Variants in LRRC9 observed in about 807,000 individuals in gnomAD.
LRRC9 encodes leucine-rich repeat-containing protein 9.
Under a neutral mutation model 63.2 loss-of-function variants are expected in LRRC9, and 122 were observed. The observed-to-expected ratio is 1.93, with a 90% CI of 1.67 to 2.24. The LOEUF is 2.24. Ranked by LOEUF, LRRC9 falls within the 30% of genes most tolerant of loss-of-function variation. The probability of loss-of-function intolerance (pLI) is 0.00; values close to 1 mark genes in which losing one functional copy is unlikely to be tolerated. For missense variants in LRRC9, 1,071 were observed against 627.7 expected (o/e 1.71, Z -7.55); for synonymous variants, 366 against 213.1 (o/e 1.72, Z -6.25).
intron 18 of LRRC9, among the ~76,000 whole-genome samples, 184 bp downstream of exon 18, chr14:59,998,031 A>G (rs1055329240): frequency 6.6e-6 from 1 of 152,096 alleles, no homozygotes. Flanking sequence ...ATGTTACTAT[A>G]AGAAAAGACT....
At chr14:60,012,873 C>T (rs1285070319) in intron 23 of LRRC9, among the ~76,000 whole-genome samples, 1 of 152,068 alleles carries the variant, frequency 6.6e-6, no homozygotes, top group Non-Finnish European at 1.5e-5. Flanking sequence ...TTATGAAAAA[C>T]ACAAAAGCAA....
At chr14:60,024,674 T>TA (rs1271326821) in intron 27 of LRRC9, among the ~76,000 whole-genome samples, 5 of 152,156 alleles carry the variant, frequency 3.3e-5, no homozygotes, top group African/African-American at 7.2e-5. Context: ...GATCTTTTTT[T>TA]AAAAAAATAA....
intron 17 of LRRC9, among the ~76,000 whole-genome samples, chr14:59,992,204 T>C (rs983117808): frequency 1.1e-4 from 16 of 152,088 alleles, no homozygotes; most frequent in Non-Finnish European, 2.2e-4. Flanking sequence ...GCAAACAGGG[T>C]CTGGAGTGGA....
chr14:60,001,188 TTG>T (rs146007143), intron 19 of LRRC9, among the ~76,000 whole-genome samples: 52 of 148,556 alleles, frequency 3.5e-4, no homozygotes, highest in Middle Eastern at 3.5e-3. Context: ...TGATGTATAT[TTG>T]TGTGTGTGTG....
Position 59,986,816 on chromosome 14 carries a change from T to C in LRRC9, c.2211+1592T>C, listed in dbSNP as rs1594946618. 6.6e-6 allele frequency among the ~76,000 whole-genome samples: 1 copy of C among 152,272 alleles called. No individual in the cohort carries two copies. The highest frequency in any genetic ancestry group is 2.1e-4 in the South Asian group (1 of 4,814). ...TCACAGTCTACTTGTTAAATGACTA[T>C]AACCTTAGTCATTTTACAGATAAGG... On this transcript the variant is annotated intron_variant, in intron 17 of 31. Transcript: ENST00000445360. This position sits in a 1 kb window ranked among gnomAD's most constrained non-coding sequence, Gnocchi z 4.7.
chr14:59,928,660 C>T (rs866256618), intron 3 of LRRC9, among the ~76,000 whole-genome samples, 174 bp downstream of exon 3: 24 of 151,864 alleles, frequency 1.6e-4, no homozygotes, highest in African/African-American at 5.6e-4. Flanking sequence ...AGAACATAAA[C>T]ATATTCTACT....
rs151099278 is a variant in LRRC9, at chr14:60,051,971, C to A, written c.3991-1094C>A. Among the ~76,000 whole-genome samples, 1 of 152,182 alleles carries A rather than the reference C, an allele frequency of 6.6e-6. No individual in the cohort carries two copies. Among genetic ancestry groups the A allele is most frequent in the Non-Finnish European group, 1.5e-5 (1 of 68,036 alleles). On this transcript the variant is annotated intron_variant, in intron 29 of 31. Coordinates refer to ENST00000445360, the Ensembl canonical transcript of LRRC9. The surrounding 1 kb of genome is among the most constrained non-coding windows in gnomAD (Gnocchi z 4.7). ...ACTCCCATGTGGGCTGTCACCCCAC[C>A]CTGCTTTTCTTTGTTCCCCATGGAT...
chr14:59,921,237 T>C (rs1888748599), intron 1 of LRRC9, among the ~76,000 whole-genome samples: 1 of 152,106 alleles, frequency 6.6e-6, no homozygotes, highest in Non-Finnish European at 1.5e-5. Context: ...GGGTCCTCTG[T>C]GGAGGTTGTG....
At chr14:59,939,164 TC>T (rs377074266) in intron 7 of LRRC9, among the ~76,000 whole-genome samples, 96 of 151,254 alleles carry the variant, frequency 6.3e-4, no homozygotes, top group African/African-American at 2.2e-3. Context: ...CAACCACTTC[TC>T]CTTTGGAATA....
At chr14:60,032,505 CTTG>C (rs1429366104) in intron 29 of LRRC9, among the ~76,000 whole-genome samples, 4 of 152,082 alleles carry the variant, frequency 2.6e-5, no homozygotes, top group African/African-American at 9.7e-5. Flanking sequence ...ACATGAGAAT[CTTG>C]TTGATATTTT....
At chr14:60,059,133 TTTTATTGCATTTCAC>T (rs1229426633) in intron 31 of LRRC9, 1 of 152,326 alleles carries the variant, frequency 6.6e-6, no homozygotes, top group Non-Finnish European at 1.5e-5. Flanking sequence ...GCATACCTTT[TTTTATTGCATTTCAC>T]TTTATTGCAT....
chr14:59,987,968 T>C (rs1436416345), intron 17 of LRRC9, among the ~76,000 whole-genome samples: 1 of 152,194 alleles, frequency 6.6e-6, no homozygotes. Context: ...GCAACTCTTG[T>C]TTTAATAACA....
intron 28 of LRRC9, among the ~76,000 whole-genome samples, chr14:60,030,045 A>C (rs771548140): frequency 2.6e-5 from 4 of 152,140 alleles, no homozygotes; most frequent in Non-Finnish European, 4.4e-5. Context: ...CTGAACTCTC[A>C]CTTCAAATTT....
At chr14:60,039,575 C>T (rs1335036627) in intron 29 of LRRC9, among the ~76,000 whole-genome samples, 2 of 152,116 alleles carry the variant, frequency 1.3e-5, no homozygotes, top group East Asian at 3.9e-4. Context: ...TATTCTCTGA[C>T]AGTAGTTTGT....
intron 29 of LRRC9, among the ~76,000 whole-genome samples, chr14:60,047,324 A>G (rs1893518715): frequency 1.3e-5 from 2 of 152,076 alleles, no homozygotes; most frequent in Admixed American, 1.3e-4. Flanking sequence ...AGACTGAAGG[A>G]GGATAGAGAC....
chr14:59,996,681 A>C (rs1888829326), intron 17 of LRRC9, among the ~76,000 whole-genome samples: 1 of 152,224 alleles, frequency 6.6e-6, no homozygotes, highest in African/African-American at 2.4e-5. Flanking sequence ...CAGGTGGATC[A>C]GTGAGTATTT....
At chr14:60,040,409 A>T (rs1160078347) in intron 29 of LRRC9, among the ~76,000 whole-genome samples, 1 of 151,808 alleles carries the variant, frequency 6.6e-6, no homozygotes, top group African/African-American at 2.4e-5. Context: ...CTCTTTGTAC[A>T]TCTCTAAGGA....
At position 60,003,164 on chromosome 14, in the gene LRRC9, C is replaced by G. The variant is rs1889527706; in HGVS notation, c.2665-457C>G. ...GTGACAGCTTTGGCTGACCCACAGG[C>G]AGTTCTGGAGTTAGTGGAGTTAGAA... On this transcript the variant is annotated intron_variant, in intron 20 of 31. Transcript: ENST00000445360. The surrounding 1 kb of genome is among the most constrained non-coding windows in gnomAD (Gnocchi z 4.2). Among the ~76,000 whole-genome samples the G allele has an allele frequency of 6.6e-6, 1 of 152,208 alleles. No homozygotes were observed. The highest frequency in any genetic ancestry group is 1.5e-5 in the Non-Finnish European group (1 of 68,028).
Position 59,989,176 on chromosome 14 carries a change from T to C in LRRC9, c.2211+3952T>C, listed in dbSNP as rs184688501. On this transcript the variant is annotated intron_variant, in intron 17 of 31. Coordinates refer to ENST00000445360, the Ensembl canonical transcript of LRRC9. ...TCAGATTCACAGTATGATCTTCCAATATGTAGTTTAAAATCTTTTTTTCTT... is the reference window on the plus strand; with the variant it reads ...TCAGATTCACAGTATGATCTTCCAACATGTAGTTTAAAATCTTTTTTTCTT... Among the ~76,000 whole-genome samples, 1,080 of 152,184 alleles carry C rather than the reference T, an allele frequency of 7.1e-3. 9 individuals are homozygous for C. The highest frequency in any genetic ancestry group is 0.024 in the African/African-American group (1,014 of 41,566).
Sources: allele counts gnomAD v4.1 joint callset (sites outside exome capture counted in the v4.1 genomes callset), GRCh38; gene constraint gnomAD v4.1.1; non-coding constraint Gnocchi (gnomAD v3.1); transcripts MANE v1.5; gene names NCBI Gene and HGNC (gene_info 2026-07-23, HGNC 2026-07-21).